PARVB: variants seen among roughly 807,000 people sequenced by gnomAD.
PARVB encodes the protein parvin beta, also known as beta-parvin.
Under a neutral mutation model 47.0 loss-of-function variants are expected in PARVB, and 46 were observed. The ratio of observed to expected loss-of-function variants is 0.98; its 90% CI spans 0.77 to 1.25. The LOEUF (loss-of-function observed/expected upper bound fraction) is 1.25. Ranked by LOEUF, PARVB falls within the 50% of genes most tolerant of loss-of-function variation. The pLI, the probability that PARVB is intolerant of heterozygous loss-of-function variation, is 0.00. For missense variants in PARVB, 473 were observed against 471.6 expected (o/e 1.00, Z -0.03); for synonymous variants, 196 against 196.3 (o/e 1.00, Z 0.01).
At chr22:43,999,389 C>T (rs748367787) in exon 1 of PARVB, 2 of 1,610,814 alleles carry the variant, frequency 1.2e-6, no homozygotes, top group Non-Finnish European at 1.7e-6. Context: ...AAGGGGATTC[C>T]TTAGTCCAGA....
intron 8 of PARVB, chr22:44,144,072 G>C (rs547240066): frequency 6.6e-6 from 1 of 152,420 alleles, no homozygotes; most frequent in Non-Finnish European, 1.5e-5. Flanking sequence ...CCCGGCTCTT[G>C]AACCTGCGCT....
At chr22:44,002,826 G>A (rs932620614) in intron 2 of PARVB, among the ~76,000 whole-genome samples, 1 of 152,026 alleles carries the variant, frequency 6.6e-6, no homozygotes, top group African/African-American at 2.4e-5. Flanking sequence ...AAAGTGGGGC[G>A]AATGGTAATC....
intron 4 of PARVB, among the ~76,000 whole-genome samples, chr22:44,130,066 C>T (rs2147155801): frequency 6.6e-6 from 1 of 152,330 alleles, no homozygotes; most frequent in South Asian, 2.1e-4. Flanking sequence ...ATGGGGGCCT[C>T]CAGCTAAAAT....
upstream of PARVB, among the ~76,000 whole-genome samples, chr22:44,023,313 C>G (rs577222118): frequency 6.7e-4 from 102 of 151,842 alleles, no homozygotes; most frequent in African/African-American, 2.3e-3. Flanking sequence ...GGGTTCGAGA[C>G]CAGCCTGGCC....
chr22:44,088,762 G>A (rs182731974), intron 1 of PARVB, among the ~76,000 whole-genome samples: 3 of 152,292 alleles, frequency 2.0e-5, no homozygotes, highest in East Asian at 3.9e-4. Flanking sequence ...TTGAGCCACC[G>A]TGCCCGGCCT....
chr22:44,013,613 A>G (rs1202039836), intron 2 of PARVB, among the ~76,000 whole-genome samples: 2 of 152,100 alleles, frequency 1.3e-5, no homozygotes, highest in Non-Finnish European at 2.9e-5. Flanking sequence ...CATTCAACAT[A>G]ATGTTTTGGA....
At chr22:44,167,871 T>C (rs1301018557) in intron 12 of PARVB, 1 of 152,418 alleles carries the variant, frequency 6.6e-6, no homozygotes, top group Non-Finnish European at 1.5e-5. Context: ...AAGGAGGCTG[T>C]GCAGGCTCTG....
chr22:44,000,868 C>T (rs893340805), intron 2 of PARVB, among the ~76,000 whole-genome samples: 2 of 152,214 alleles, frequency 1.3e-5, no homozygotes, highest in African/African-American at 4.8e-5. Flanking sequence ...GCTTTTGTAA[C>T]ATCATATGCT....
chr22:43,999,324 C>T, exon 1 of PARVB: 4 of 1,577,264 alleles, frequency 2.5e-6, no homozygotes, highest in Non-Finnish European at 2.6e-6. Context: ...ACCTTTGGGA[C>T]AGTTAGATGT....
chr22:44,137,736 C>G (rs1286591792), intron 7 of PARVB, among the ~76,000 whole-genome samples: 3 of 152,118 alleles, frequency 2.0e-5, no homozygotes. Flanking sequence ...CTCTTTCCTC[C>G]TCACAGTGCT....
Position 44,163,845 on chromosome 22 carries a change from C to G in PARVB, c.946-13C>G, listed in dbSNP as rs777273800. 2.7e-5 allele frequency: 44 copies of G among 1,601,756 alleles called. No homozygotes were observed. Among genetic ancestry groups the G allele is most frequent in the African/African-American group, 5.4e-5 (4 of 74,560 alleles). On this transcript the variant is annotated splice_polypyrimidine_tract_variant and intron_variant, in intron 11 of 12. Transcript: ENST00000338758. ...TTGGACCCTAACGCTGACCCACCCC[C>G]CTTCCTTGGCAGGTCCACAATGTGT...
At chr22:44,100,300 G>A (rs151021361) in intron 3 of PARVB, among the ~76,000 whole-genome samples, 177 bp downstream of exon 3, 61 of 152,266 alleles carry the variant, frequency 4.0e-4, no homozygotes, top group African/African-American at 1.2e-3. Context: ...GATCCAGCCC[G>A]AAGTGCCAAG....
chr22:44,065,565 C>T (rs1473678253), intron 1 of PARVB, among the ~76,000 whole-genome samples: 2 of 152,112 alleles, frequency 1.3e-5, no homozygotes, highest in East Asian at 1.9e-4. Context: ...GATTTTGGTG[C>T]ACCCATCACC....
rs750733696 is a variant in PARVB at position 44,094,032 on chromosome 22, C to T, written c.202+15C>T. 2.0e-6 allele frequency: 3 copies of T among 1,495,004 alleles called. No homozygotes were observed. The highest frequency in any genetic ancestry group is 2.8e-5 in the African/African-American group (2 of 72,134). The allele number at this position is 1,495,004 out of a possible 1,614,324, so 92.6% of individuals were successfully genotyped here. A position where few individuals can be genotyped will look rare whatever the true frequency, so the allele number is the denominator to read the frequency against. ...CACCCAGCTTGGTACGGGGGTTCCT[C>T]CGCTCCCTGCCCTGAGACAGTTGAG... On this transcript the variant is annotated intron_variant, in intron 2 of 12. Transcript: ENST00000338758.
At chr22:44,011,532 C>G (rs1041929528) in intron 2 of PARVB, among the ~76,000 whole-genome samples, 1 of 152,080 alleles carries the variant, frequency 6.6e-6, no homozygotes, top group Admixed American at 6.6e-5. Context: ...CATTGTAAGC[C>G]TGCTGGTGCT....
intron 1 of PARVB, among the ~76,000 whole-genome samples, chr22:44,030,806 ACTT>A (rs770174518): frequency 1.3e-5 from 2 of 151,996 alleles, no homozygotes; most frequent in African/African-American, 4.8e-5. Context: ...GATTTTTCAG[ACTT>A]CTTCTCGTTT....
chr22:44,033,097 T>C (rs966720095), intron 1 of PARVB, among the ~76,000 whole-genome samples: 2 of 152,204 alleles, frequency 1.3e-5, no homozygotes, highest in Admixed American at 6.5e-5. Context: ...AGTGCTATTG[T>C]TTTTTTCTTG....
chr22:44,043,886 T>TTCC (rs1488706045), intron 1 of PARVB, among the ~76,000 whole-genome samples: 1 of 152,152 alleles, frequency 6.6e-6, no homozygotes, highest in Non-Finnish European at 1.5e-5. Context: ...ATTTTCAGTC[T>TTCC]TCCTCCTCCT....
At chr22:44,028,317 G>GT (rs1451379859) in intron 1 of PARVB, among the ~76,000 whole-genome samples, 1 of 147,920 alleles carries the variant, frequency 6.8e-6, no homozygotes, top group East Asian at 2.0e-4. Flanking sequence ...TTTTTGTTTT[G>GT]TTTTTTTGGT....
Sources: gnomAD v4.1 joint callset for allele counts (sites outside exome capture counted in the v4.1 genomes callset) on GRCh38, gnomAD v4.1.1 for gene constraint, MANE v1.5 for transcripts, NCBI Gene and HGNC (gene_info 2026-07-23, HGNC 2026-07-21) for gene names.